The following BTD variants were observed in gnomAD, a reference collection of about 807,000 sequenced individuals.
BTD encodes the protein biotinidase, also known as biocytinase.
BTD carries 13 observed loss-of-function variants against 17.7 expected under a neutral mutation model. The observed-to-expected ratio is 0.74, with a 90% confidence interval of 0.48 to 1.17. The LOEUF is 1.17. Ranked by LOEUF, BTD falls within the 50% of genes most tolerant of loss-of-function variation. The pLI is 0.00. For synonymous variants in BTD, 240 were observed against 245.2 expected, an observed-to-expected ratio of 0.98 and a Z score of 0.20; for missense variants, 674 against 650.4, an observed-to-expected ratio of 1.04 and a Z score of -0.39.
At chr3:15,658,786 A>G (rs962763631) in intron 3 of BTD, among the ~76,000 whole-genome samples, 1 of 152,124 alleles carries the variant, frequency 6.6e-6, no homozygotes, top group African/African-American at 2.4e-5. Flanking sequence ...AGTACTTACT[A>G]TGTCACTCTC....
intron 3 of BTD, chr3:15,694,636 T>G: frequency 1.1e-6 from 1 of 891,468 alleles, no homozygotes; most frequent in South Asian, 1.8e-5. Context: ...AACTATTACA[T>G]GGACCAAAAG....
intron 3 of BTD, among the ~76,000 whole-genome samples, chr3:15,708,296 C>T (rs2071741503): frequency 6.6e-6 from 1 of 152,270 alleles, no homozygotes; most frequent in East Asian, 1.9e-4. Flanking sequence ...ATTTCATCGC[C>T]TCCAGGCAGT....
At chr3:15,720,915 C>T (rs2073660565) in intron 4 of BTD, 1 of 1,611,552 alleles carries the variant, frequency 6.2e-7, no homozygotes, top group East Asian at 2.2e-5. Flanking sequence ...TGTTCCTTAC[C>T]TTCATATTGA....
rs773522837 is a variant in BTD, at chr3:15,694,721, T to C, written c.400-15339T>C. On this transcript the variant is annotated intron_variant, in intron 3 of 3. Coordinates refer to the BTD transcript ENST00000672141. The stretch of plus-strand genomic sequence containing the variant: ...GTAAACCAGCAGCCATCAAGTCGGC[T>C]ATGAAGGCAGTACTCACAGCCAAGT... 15 of 1,609,192 alleles carry C rather than the reference T, an allele frequency of 9.3e-6. No individual in the cohort carries two copies. In the South Asian group the frequency reaches 1.4e-4, roughly 15 times the overall value.
chr3:15,695,044 C>T (rs961152011), intron 3 of BTD: 1 of 767,532 alleles, frequency 1.3e-6, no homozygotes, highest in African/African-American at 1.8e-5. Flanking sequence ...TCTTCCTTTC[C>T]TCTGTACACA....
intron 3 of BTD, among the ~76,000 whole-genome samples, chr3:15,670,878 A>G (rs1239041714): frequency 6.6e-6 from 1 of 152,190 alleles, no homozygotes; most frequent in Non-Finnish European, 1.5e-5. Flanking sequence ...AAAACACCAC[A>G]TATCGTGAAT....
At chr3:15,606,823 G>A (rs2064469568) in intron 1 of BTD, 1 of 152,172 alleles carries the variant, frequency 6.6e-6, no homozygotes, top group South Asian at 2.1e-4. Flanking sequence ...CAATCCAATT[G>A]TAATTACAGC....
intron 3 of BTD, among the ~76,000 whole-genome samples, chr3:15,666,307 G>A (rs898861975): frequency 1.3e-5 from 2 of 152,300 alleles, no homozygotes; most frequent in Admixed American, 1.3e-4. Context: ...CAGTCATTAG[G>A]GGGTTAAGAG....
intron 1 of BTD, among the ~76,000 whole-genome samples, chr3:15,625,879 A>G (rs967553025): frequency 9.2e-5 from 14 of 152,318 alleles, no homozygotes; most frequent in African/African-American, 3.4e-4. Context: ...TATTTTGCAT[A>G]TAAGTTCAAA....
At chr3:15,639,131 C>G (rs1250542786) in intron 2 of BTD, among the ~76,000 whole-genome samples, 1 of 152,042 alleles carries the variant, frequency 6.6e-6, no homozygotes, top group Admixed American at 6.6e-5. Flanking sequence ...CAGAAAATTG[C>G]TGAAGCCATT....
chr3:15,604,225 A>T (rs1162796983), intron 1 of BTD, among the ~76,000 whole-genome samples: 3 of 152,184 alleles, frequency 2.0e-5, no homozygotes, highest in African/African-American at 7.2e-5. Flanking sequence ...ATTTCCATAC[A>T]TCCTCTGAAA....
At chr3:15,714,722 T>C, downstream of BTD, 1 of 1,088,454 alleles carries the variant, frequency 9.2e-7, no homozygotes, top group Non-Finnish European at 1.3e-6. Flanking sequence ...TAGTTTTACT[T>C]TGAATACCCT....
chr3:15,691,218 G>C lies in BTD; in HGVS notation c.400-18842G>C, dbSNP rs149755539. ...GCTCACTGCAACCTCCGCCTCCCTG[G>C]GTTCAAGCGATTCTCCTGTCTCAGT... On this transcript the variant is annotated intron_variant, in intron 3 of 3. Transcript: ENST00000672141. Among the ~76,000 whole-genome samples the C allele has an allele frequency of 4.2e-3, 641 of 152,012 alleles. 4 individuals are homozygous for C. The highest frequency in any genetic ancestry group is 0.019 in the East Asian group (96 of 5,146).
chr3:15,602,089 A>G lies in BTD; in HGVS notation c.-17+195A>G, dbSNP rs1237825823. 5 of 1,437,852 alleles carry G rather than the reference A, an allele frequency of 3.5e-6. No individual in the cohort carries two copies. In the African/African-American group the frequency reaches 5.7e-5, roughly 17 times the overall value. 89.1% of individuals were successfully genotyped at this position (1,437,852 alleles called of 1,614,324 possible). On this transcript the variant is annotated intron_variant, in intron 1 of 3. Coordinates refer to ENST00000643237, the MANE Select transcript of BTD (RefSeq NM_001370658.1). ...ACCGCGTTGCGTTTTCTAGGCATTT[A>G]CTTACACGCTTTGTGGTTTACGCTC...
At chr3:15,615,763 A>G (rs1407970957) in intron 1 of BTD, among the ~76,000 whole-genome samples, 2 of 152,176 alleles carry the variant, frequency 1.3e-5, no homozygotes, top group African/African-American at 2.4e-5. Flanking sequence ...TTGACACATT[A>G]TTATAACATG....
intron 3 of BTD, among the ~76,000 whole-genome samples, chr3:15,660,759 C>G (rs1405418590): frequency 1.3e-5 from 2 of 152,212 alleles, no homozygotes; most frequent in Non-Finnish European, 2.9e-5. Flanking sequence ...TAAAAATCCT[C>G]TGTTCTCTGC....
chr3:15,659,741 G>C (rs930189841), intron 3 of BTD, among the ~76,000 whole-genome samples: 1 of 152,210 alleles, frequency 6.6e-6, no homozygotes, highest in Non-Finnish European at 1.5e-5. Context: ...ATGCCTTTCA[G>C]GAGTGTGTCC....
chr3:15,697,833 A>G (rs928994851), intron 3 of BTD, among the ~76,000 whole-genome samples: 1 of 152,216 alleles, frequency 6.6e-6, no homozygotes, highest in Non-Finnish European at 1.5e-5. Context: ...TACCTCTGGT[A>G]GAATTCGGCT....
intron 2 of BTD, among the ~76,000 whole-genome samples, chr3:15,638,224 G>A (rs1205928132): frequency 6.6e-6 from 1 of 152,156 alleles, no homozygotes; most frequent in African/African-American, 2.4e-5. Flanking sequence ...ACTCAGACAA[G>A]TAACAGCCCA....
Sources: allele counts gnomAD v4.1 joint callset (sites outside exome capture counted in the v4.1 genomes callset), GRCh38; gene constraint gnomAD v4.1.1; transcripts MANE v1.5; gene names NCBI Gene and HGNC (gene_info 2026-07-23, HGNC 2026-07-21).